The following MSH3 variants were observed in gnomAD, a reference collection of about 807,000 sequenced individuals.
The protein encoded by MSH3 is DNA mismatch repair protein Msh3.
MSH3 carries 106 observed loss-of-function variants against 123.3 expected under a neutral mutation model. The observed-to-expected ratio is 0.86, with a 90% CI of 0.73 to 1.01. The LOEUF (loss-of-function observed/expected upper bound fraction) is 1.01. MSH3 is among the 50% of genes least tolerant of loss of function. The pLI is 0.00. For missense variants in MSH3, 1,459 were observed against 1,347.6 expected (o/e 1.08, Z -1.29); for synonymous variants, 515 against 481.4 (o/e 1.07, Z -0.91).
chr5:80,805,589 CTA>C (rs150545382), intron 19 of MSH3, among the ~76,000 whole-genome samples: 489 of 44,696 alleles, frequency 0.011, 20 homozygotes, highest in East Asian at 0.043. Flanking sequence ...CCCCCCCCCC[CTA>C]CCTTTTTTTT....
chr5:80,670,305 C>G lies in MSH3; in HGVS notation c.788C>G (p.Ala263Gly), dbSNP rs1749676270. 1.9e-6 allele frequency: 3 copies of G among 1,613,870 alleles called. No individual in the cohort carries two copies. The highest frequency in any genetic ancestry group is 2.5e-6 in the Non-Finnish European group (3 of 1,179,806). Residue 263 changes from alanine (A) to glycine (G), a missense_variant, in exon 4 of 24, where the codon GCA becomes GGA. Coordinates refer to ENST00000265081, the MANE Select transcript of MSH3 (RefSeq NM_002439.5). ...AAGTATAGATTCTTTGGGGAAGATG[C>G]AGAGGTAAGTCGTCTTTTCAGGCAC... ...GYKYRFFGED[A>G]EIAARELNIY...
chr5:80,759,424 A>C (rs1235016543), intron 12 of MSH3, among the ~76,000 whole-genome samples: 1 of 152,214 alleles, frequency 6.6e-6, no homozygotes, highest in Admixed American at 6.5e-5. Flanking sequence ...TTCTAGGCAA[A>C]GTAAGCAGCA....
intron 12 of MSH3, among the ~76,000 whole-genome samples, chr5:80,749,272 G>A (rs764473873): frequency 6.6e-6 from 1 of 152,162 alleles, no homozygotes; most frequent in Non-Finnish European, 1.5e-5. Context: ...TGTCGCCAAA[G>A]GGCAGAGAGT....
At chr5:80,732,307 A>G (rs998114384) in intron 10 of MSH3, among the ~76,000 whole-genome samples, 1 of 152,194 alleles carries the variant, frequency 6.6e-6, no homozygotes, top group African/African-American at 2.4e-5. Flanking sequence ...CACAACTTCA[A>G]AAAGATATTG....
At chr5:80,721,779 TATATC>T (rs1247297867) in intron 8 of MSH3, among the ~76,000 whole-genome samples, 1 of 152,222 alleles carries the variant, frequency 6.6e-6, no homozygotes, top group Non-Finnish European at 1.5e-5. Flanking sequence ...AATAAAATAT[TATATC>T]AAGGAAAATA....
chr5:80,790,285 T>C lies in MSH3; in HGVS notation c.2544-2448T>C, dbSNP rs565154726. Reference sequence around the variant, plus strand: ...AAATCTGACAAGAAGTGATCTTCAGTATACTCTACTGTAAGGGCCTATTGA... The same window carrying C: ...AAATCTGACAAGAAGTGATCTTCAGCATACTCTACTGTAAGGGCCTATTGA... On this transcript the variant is annotated intron_variant, in intron 18 of 23. Coordinates refer to ENST00000265081, the MANE Select transcript of MSH3 (RefSeq NM_002439.5). Among the ~76,000 whole-genome samples, 8 of 152,292 alleles carry C rather than the reference T, an allele frequency of 5.3e-5. No homozygotes were observed. The South Asian group carries it at 1.4e-3, about 28-fold the overall frequency.
chr5:80,682,394 G>A (rs1358723876), intron 8 of MSH3, among the ~76,000 whole-genome samples: 1 of 152,076 alleles, frequency 6.6e-6, no homozygotes, highest in East Asian at 1.9e-4. Context: ...AAGGCTCTCT[G>A]TAAGAGGAAG....
intron 20 of MSH3, among the ~76,000 whole-genome samples, chr5:80,831,266 A>C (rs152410): frequency 0.25 from 37,517 of 152,178 alleles, 4,904 homozygotes; most frequent in Non-Finnish European, 0.3. Flanking sequence ...ATTTTTAAAA[A>C]TAACATTTGT....
chr5:80,770,707 A>G (rs1744200718), intron 15 of MSH3, among the ~76,000 whole-genome samples: 1 of 152,230 alleles, frequency 6.6e-6, no homozygotes, highest in African/African-American at 2.4e-5. Context: ...AATTCCAAAT[A>G]TTAACACAAA....
intron 10 of MSH3, among the ~76,000 whole-genome samples, chr5:80,735,156 G>C (rs112492444): frequency 0.012 from 1,798 of 152,134 alleles, 34 homozygotes; most frequent in African/African-American, 0.041. Flanking sequence ...GGGTGAGGTG[G>C]GCAGATCACC....
intron 19 of MSH3, among the ~76,000 whole-genome samples, chr5:80,806,086 AC>A (rs1744885886): frequency 1.3e-5 from 2 of 151,896 alleles, no homozygotes; most frequent in South Asian, 4.1e-4. Flanking sequence ...TAATCAATCT[AC>A]TCAGAATTTA....
chr5:80,659,413 C>T (rs188816432), intron 2 of MSH3, among the ~76,000 whole-genome samples: 52 of 152,290 alleles, frequency 3.4e-4, no homozygotes, highest in African/African-American at 1.2e-3. Flanking sequence ...TCTGCCCCAG[C>T]ACTCCCCAGC....
intron 19 of MSH3, among the ~76,000 whole-genome samples, chr5:80,808,861 A>ATATATATCTATATCTATATCTATATC (rs1744949654): frequency 9.7e-6 from 1 of 103,030 alleles, no homozygotes; most frequent in African/African-American, 4.3e-5. Flanking sequence ...TCTTCTTCAT[A>ATATATATCTATATCTATATCTATATC]TATATATATA....
intron 21 of MSH3, among the ~76,000 whole-genome samples, chr5:80,860,458 TC>T (rs1745996942): frequency 2.0e-5 from 3 of 151,342 alleles, no homozygotes; most frequent in African/African-American, 4.8e-5. Context: ...TTTTTTTTTT[TC>T]CTCTCAAAAC....
chr5:80,721,529 C>T (rs543628849), intron 8 of MSH3, among the ~76,000 whole-genome samples: 6 of 152,162 alleles, frequency 3.9e-5, no homozygotes, highest in South Asian at 2.1e-4. Context: ...TTCTGTTTTC[C>T]GATTGTTAGA....
At chr5:80,855,940 G>A (rs912870848) in intron 21 of MSH3, 2 of 146,718 alleles carry the variant, frequency 1.4e-5, no homozygotes, top group African/African-American at 5.1e-5. Context: ...CTGCAGTGCA[G>A]TGGCATGATC....
intron 13 of MSH3, among the ~76,000 whole-genome samples, chr5:80,761,991 A>C (rs925705403): frequency 1.3e-5 from 2 of 152,040 alleles, no homozygotes; most frequent in African/African-American, 4.8e-5. Flanking sequence ...AAATTTATGT[A>C]GACTTGTTAT....
intron 17 of MSH3, 80 bp downstream of exon 17, chr5:80,778,916 A>C (rs1360068037): frequency 1.2e-6 from 1 of 838,656 alleles, no homozygotes; most frequent in Non-Finnish European, 2.1e-6. Context: ...CAAAAAGAAA[A>C]TAGAGATTAC....
intron 8 of MSH3, among the ~76,000 whole-genome samples, chr5:80,705,441 T>TG (rs1750700312): frequency 6.6e-6 from 1 of 152,244 alleles, no homozygotes. Flanking sequence ...TCAACTATGT[T>TG]GGGAATATTT....
Sources: allele counts gnomAD v4.1 joint callset (sites outside exome capture counted in the v4.1 genomes callset), GRCh38; gene constraint gnomAD v4.1.1; transcripts MANE v1.5; gene names NCBI Gene and HGNC (gene_info 2026-07-23, HGNC 2026-07-21).